Variants in SOX5 observed in about 807,000 individuals in gnomAD.
The protein encoded by SOX5 is SRY-box transcription factor 5.
Under a neutral mutation model 92.0 loss-of-function variants are expected in SOX5, and 9 were observed. That is an observed-to-expected ratio of 0.10 (90% CI 0.06 to 0.17). The LOEUF (loss-of-function observed/expected upper bound fraction) is 0.17. SOX5 is among the 10% of genes least tolerant of loss of function. The probability of loss-of-function intolerance (pLI) is 1.00; values close to 1 mark genes in which losing one functional copy is unlikely to be tolerated. For synonymous variants in SOX5, 344 were observed against 336.3 expected (o/e 1.02, Z -0.25); for missense variants, 642 against 944.5 (o/e 0.68, Z 4.20).
intron 3 of SOX5, among the ~76,000 whole-genome samples, chr12:23,782,979 A>G (rs1268950977): frequency 1.3e-5 from 2 of 152,122 alleles, no homozygotes; most frequent in Non-Finnish European, 2.9e-5. Context: ...TTTCCTCTGA[A>G]GAAAGCACAC....
At chr12:23,917,367 C>T (rs1181358220) in intron 1 of SOX5, among the ~76,000 whole-genome samples, 1 of 151,792 alleles carries the variant, frequency 6.6e-6, no homozygotes. Context: ...ATGGTGAAAC[C>T]CTGTCTCTAC....
At chr12:23,542,046 G>A (rs916257732) in intron 13 of SOX5, among the ~76,000 whole-genome samples, 1 of 151,808 alleles carries the variant, frequency 6.6e-6, no homozygotes, top group Non-Finnish European at 1.5e-5. Flanking sequence ...GGAGGCGGAG[G>A]TTGCAGTGAG....
intron 1 of SOX5, among the ~76,000 whole-genome samples, chr12:24,515,546 A>G (rs1452536200): frequency 6.6e-6 from 1 of 152,190 alleles, no homozygotes; most frequent in African/African-American, 2.4e-5. Context: ...TTAAAACTAA[A>G]TGGGATTATC....
chr12:23,817,213 T>C (rs2096011934), intron 3 of SOX5, among the ~76,000 whole-genome samples: 1 of 152,220 alleles, frequency 6.6e-6, no homozygotes, highest in South Asian at 2.1e-4. Flanking sequence ...AAGTGTATTT[T>C]AGCCCTCCGA....
chr12:23,658,205 C>T (rs2139233979), intron 7 of SOX5, among the ~76,000 whole-genome samples: 1 of 152,236 alleles, frequency 6.6e-6, no homozygotes, highest in African/African-American at 2.4e-5. Flanking sequence ...ATTGCCACAA[C>T]AAAGACATAT....
chr12:23,583,166 C>T (rs1950275331), intron 9 of SOX5, among the ~76,000 whole-genome samples: 1 of 151,934 alleles, frequency 6.6e-6, no homozygotes, highest in African/African-American at 2.4e-5. Flanking sequence ...CATTTTCCTT[C>T]CTTCTCTTTT....
At chr12:24,538,063 C>T (rs577080785) in intron 1 of SOX5, among the ~76,000 whole-genome samples, 9 of 152,162 alleles carry the variant, frequency 5.9e-5, no homozygotes, top group Non-Finnish European at 1.2e-4. Context: ...TAACGGGAAG[C>T]AATATTCTCC....
intron 1 of SOX5, among the ~76,000 whole-genome samples, chr12:24,413,096 T>C (rs1964412140): frequency 6.6e-6 from 1 of 152,358 alleles, no homozygotes; most frequent in South Asian, 2.1e-4. Flanking sequence ...GGTTCCTCTA[T>C]ATCTTTGCTG....
intron 3 of SOX5, among the ~76,000 whole-genome samples, chr12:23,781,024 T>A (rs1427804038): frequency 1.3e-5 from 2 of 151,996 alleles, no homozygotes; most frequent in East Asian, 3.9e-4. Context: ...TTATAAAAGA[T>A]TATTAACCAC....
At chr12:23,793,471 C>A (rs2095511447) in intron 3 of SOX5, among the ~76,000 whole-genome samples, 1 of 152,120 alleles carries the variant, frequency 6.6e-6, no homozygotes, top group Non-Finnish European at 1.5e-5. Flanking sequence ...CTTTTCAGCA[C>A]ATGAATATTT....
chr12:23,577,916 T>C (rs1949424407), intron 9 of SOX5, among the ~76,000 whole-genome samples: 1 of 151,490 alleles, frequency 6.6e-6, no homozygotes, highest in Non-Finnish European at 1.5e-5. Flanking sequence ...GGTCAGGAGA[T>C]TGAGACTATC....
intron 2 of SOX5, among the ~76,000 whole-genome samples, chr12:24,310,295 T>C (rs558322293): frequency 6.6e-6 from 1 of 152,344 alleles, no homozygotes; most frequent in Non-Finnish European, 1.5e-5. Flanking sequence ...AAAATGTCTG[T>C]AAAGTGCTTT....
intron 6 of SOX5, among the ~76,000 whole-genome samples, chr12:23,702,114 GCTGTT>G (rs1197573674): frequency 6.6e-6 from 1 of 151,852 alleles, no homozygotes; most frequent in Non-Finnish European, 1.5e-5. Flanking sequence ...TCTCTTATAC[GCTGTT>G]TTAAGCGTAA....
intron 2 of SOX5, chr12:24,367,877 T>A (rs905984494): frequency 3.3e-5 from 5 of 152,152 alleles, no homozygotes; most frequent in Non-Finnish European, 5.9e-5. Flanking sequence ...TCCCCTACAA[T>A]GAACTATAAA....
At chr12:24,460,132 C>T (rs1943462106) in intron 1 of SOX5, among the ~76,000 whole-genome samples, 1 of 152,200 alleles carries the variant, frequency 6.6e-6, no homozygotes, top group Non-Finnish European at 1.5e-5. Flanking sequence ...CTAGCCTGCC[C>T]TTTCACCTTC....
At chr12:23,700,473 G>C (rs1480471182) in intron 6 of SOX5, among the ~76,000 whole-genome samples, 1 of 152,026 alleles carries the variant, frequency 6.6e-6, no homozygotes, top group Non-Finnish European at 1.5e-5. Context: ...CCAAAAACTA[G>C]TTGATTCAAC....
intron 2 of SOX5, among the ~76,000 whole-genome samples, chr12:23,886,357 T>G (rs552006012): frequency 1.4e-4 from 21 of 152,172 alleles, no homozygotes; most frequent in Admixed American, 2.6e-4. Flanking sequence ...AAATAGGTTG[T>G]TATACAAAGA....
chr12:23,666,701 A>C (rs1240360387), intron 6 of SOX5, among the ~76,000 whole-genome samples: 1 of 152,198 alleles, frequency 6.6e-6, no homozygotes, highest in Non-Finnish European at 1.5e-5. Flanking sequence ...TACTATGTGC[A>C]AGAAACTGAG....
Position 24,159,193 on chromosome 12 carries a change from C to G in SOX5, c.-2+54150G>C, listed in dbSNP as rs546568388. ...TCACTCACTCATCTATCCATCCATC[C>G]ATCCATCCATCCACTTAACCATTCA... On this transcript the variant is annotated intron_variant, in intron 4 of 4. Coordinates refer to the SOX5 transcript ENST00000446891. Among the ~76,000 whole-genome samples, 4 of 151,862 alleles carry G rather than the reference C, an allele frequency of 2.6e-5. No individual in the cohort carries two copies. The South Asian group carries it at 6.2e-4, about 24-fold the overall frequency.
Sources: allele counts gnomAD v4.1 joint callset (sites outside exome capture counted in the v4.1 genomes callset), GRCh38; gene constraint gnomAD v4.1.1; transcripts MANE v1.5; gene names NCBI Gene and HGNC (gene_info 2026-07-23, HGNC 2026-07-21).